ZNF726: variants seen among roughly 807,000 people sequenced by gnomAD.
ZNF726 encodes zinc finger protein 726, also known as zinc finger protein 92 pseudogene 3.
In ZNF726, 15 loss-of-function variants were observed where a neutral mutation model predicts 11.6. That is an observed-to-expected ratio of 1.29 (90% CI 0.86 to 1.99). The LOEUF (loss-of-function observed/expected upper bound fraction) is 1.99, where lower values mean the gene tolerates loss of function less well. Ranked by LOEUF, ZNF726 falls within the 30% of genes most tolerant of loss-of-function variation. The probability of loss-of-function intolerance (pLI) is 0.00; values close to 1 mark genes in which losing one functional copy is unlikely to be tolerated. For missense variants in ZNF726, 890 were observed against 725.6 expected (o/e 1.23, Z -2.60); for synonymous variants, 295 against 243.6 (o/e 1.21, Z -1.96).
In ZNF726 at chr19:23,932,639, T is replaced by C. The variant is rs750522323; in HGVS notation, c.523T>C (p.Cys175Arg). The C allele has an allele frequency of 3.2e-6, 5 of 1,560,348 alleles. No individual in the cohort carries two copies. The African/African-American group carries it at 4.1e-5, about 13-fold the overall frequency. The change falls in exon 4 of 4, where the codon TGT (cysteine) becomes CGT (arginine). Residue 175 changes from cysteine to arginine, a missense_variant. Transcript: ENST00000594466. Reference sequence around the variant, plus strand: ...ACATACTAGAAAGAAACCTTTCAAATGTAAAAATTGTGTCAAATCATTTTG... The same window carrying C: ...ACATACTAGAAAGAAACCTTTCAAACGTAAAAATTGTGTCAAATCATTTTG... ...IRHTRKKPFK[C>R]KNCVKSFCMF...
chr19:23,943,427 G>T, intron 3 of ZNF726: 1 of 475,012 alleles, frequency 2.1e-6, no homozygotes. Context: ...TTTCTCTACT[G>T]AACATGGTAC....
chr19:23,925,082 T>C (rs2144973497), intron 3 of ZNF726, among the ~76,000 whole-genome samples: 1 of 152,356 alleles, frequency 6.6e-6, no homozygotes, highest in African/African-American at 2.4e-5. Flanking sequence ...AATTGTCTTA[T>C]ATATCTAAGT....
chr19:23,916,826 A>G (rs1294492047), intron 1 of ZNF726, among the ~76,000 whole-genome samples: 4 of 151,266 alleles, frequency 2.6e-5, no homozygotes, highest in Admixed American at 2.6e-4. Context: ...GAAACTTCAT[A>G]GGGTGACGTA....
chr19:23,919,234 C>T (rs547544688), intron 1 of ZNF726, 139 bp from the exon 2 acceptor site: 6 of 1,361,574 alleles, frequency 4.4e-6, no homozygotes, highest in Middle Eastern at 2.0e-4. Flanking sequence ...TGTGTTTTGA[C>T]AATTATTTTA....
At chr19:23,921,676 A>C (rs753589323) in intron 3 of ZNF726, 1 of 151,984 alleles carries the variant, frequency 6.6e-6, no homozygotes, top group Non-Finnish European at 1.5e-5. Context: ...TTTATCAGAG[A>C]GATGGTTTTA....
chr19:23,921,471 G>A (rs1006314137), intron 3 of ZNF726: 4 of 152,094 alleles, frequency 2.6e-5, no homozygotes, highest in Non-Finnish European at 4.4e-5. Context: ...TGAGTCTAGA[G>A]ATCACCTTAG....
chr19:23,920,141 G>A, intron 3 of ZNF726, 59 bp downstream of exon 3: 1 of 1,253,290 alleles, frequency 8.0e-7, no homozygotes, highest in Non-Finnish European at 1.1e-6. Flanking sequence ...CAAGAAGAAA[G>A]CCAGTCTTTA....
intron 1 of ZNF726, among the ~76,000 whole-genome samples, chr19:23,917,140 G>A (rs2144954669): frequency 1.3e-5 from 2 of 152,236 alleles, no homozygotes; most frequent in Admixed American, 1.3e-4. Flanking sequence ...TAGTAGAAAT[G>A]GAGTTTCACC....
chr19:23,920,122 G>A (rs776502039), intron 3 of ZNF726, 40 bp downstream of exon 3: 2 of 1,403,904 alleles, frequency 1.4e-6, no homozygotes, highest in Admixed American at 1.8e-5. Flanking sequence ...TGGATGAGAG[G>A]TCCAACGTCA....
At chr19:23,939,894 G>A (rs1245519584) in intron 3 of ZNF726, among the ~76,000 whole-genome samples, 3 of 78,666 alleles carry the variant, frequency 3.8e-5, no homozygotes, top group South Asian at 4.4e-4. Context: ...TGACTGATTC[G>A]TTTGAGTTCA....
chr19:23,932,682 C>T lies in ZNF726; in HGVS notation c.566C>T (p.Thr189Ile), dbSNP rs770418004. 5.0e-6 allele frequency: 8 copies of T among 1,589,828 alleles called. No individual in the cohort carries two copies. The South Asian group carries it at 8.2e-5, about 16-fold the overall frequency. ...VKSFCMFSHKTQHKSIYTTEK... is the reference protein window; with the variant it reads ...VKSFCMFSHKIQHKSIYTTEK... ...TCATTTTGCATGTTTTCACACAAAA[C>T]CCAGCATAAAAGCATATATACTACA... Residue 189 changes from threonine (T) to isoleucine (I), a missense_variant, in exon 4 of 4, where the codon ACC becomes ATC. Thr to Ile is a moderately conservative substitution (Grantham distance 89, BLOSUM62 -1). Transcript: ENST00000594466.
chr19:23,942,565 T>A (rs12463318), intron 3 of ZNF726, among the ~76,000 whole-genome samples: 1 of 152,150 alleles, frequency 6.6e-6, no homozygotes, highest in African/African-American at 2.4e-5. Flanking sequence ...AGTATTGAAG[T>A]CCCTCCCTCT....
intron 3 of ZNF726, chr19:23,921,151 C>G (rs1175778055): frequency 6.6e-6 from 1 of 152,104 alleles, no homozygotes; most frequent in Non-Finnish European, 1.5e-5. Context: ...AAAAAATTAG[C>G]TGGGCTCAGT....
At chr19:23,925,945 G>A (rs1967976938) in intron 3 of ZNF726, among the ~76,000 whole-genome samples, 1 of 151,828 alleles carries the variant, frequency 6.6e-6, no homozygotes, top group South Asian at 2.1e-4. Flanking sequence ...TGGAACACCT[G>A]TCCTCGTGAT....
intron 3 of ZNF726, among the ~76,000 whole-genome samples, chr19:23,930,283 A>AT (rs895664210): frequency 2.0e-5 from 3 of 151,722 alleles, no homozygotes; most frequent in Non-Finnish European, 4.4e-5. Context: ...TCTCTATGTT[A>AT]TTTTTTTCCC....
chr19:23,933,894 A>C lies in ZNF726; in HGVS notation c.1778A>C (p.Tyr593Ser). ...HKIIHTGEKP[Y>S]KCDECGKSFI... ...ATAATTCATACTGGAGAGAAACCTT[A>C]CAAGTGTGACGAATGTGGCAAATCA... The change falls in exon 4 of 4, where the codon TAC becomes TCC. Residue 593 changes from tyrosine to serine, a missense_variant. Tyr to Ser is a moderately radical substitution (Grantham distance 144, BLOSUM62 -2). Coordinates refer to ENST00000594466, the MANE Select transcript of ZNF726 (RefSeq NM_001244038.2). 1 of 1,589,940 alleles carries C rather than the reference A, an allele frequency of 6.3e-7. No individual in the cohort carries two copies. Among genetic ancestry groups the C allele is most frequent in the Non-Finnish European group, 8.6e-7 (1 of 1,167,852 alleles).
At chr19:23,918,288 A>C (rs1712807330) in intron 1 of ZNF726, among the ~76,000 whole-genome samples, 1 of 152,166 alleles carries the variant, frequency 6.6e-6, no homozygotes, top group Admixed American at 6.5e-5. Flanking sequence ...TTTGAAGAAT[A>C]ATTTCTTACA....
chr19:23,943,239 A>G (rs1405292797), intron 3 of ZNF726, among the ~76,000 whole-genome samples: 2 of 152,332 alleles, frequency 1.3e-5, no homozygotes, highest in East Asian at 1.9e-4. Flanking sequence ...TAGAAATTCA[A>G]TGGCAATAAA....
At chr19:23,931,164 G>C (rs930488614) in intron 3 of ZNF726, among the ~76,000 whole-genome samples, 1 of 152,084 alleles carries the variant, frequency 6.6e-6, no homozygotes, top group African/African-American at 2.4e-5. Context: ...AGTAGAGATG[G>C]GGTTTCACCC....
Sources: gnomAD v4.1 joint callset for allele counts (sites outside exome capture counted in the v4.1 genomes callset) on GRCh38, gnomAD v4.1.1 for gene constraint, MANE v1.5 for transcripts, NCBI Gene and HGNC (gene_info 2026-07-23, HGNC 2026-07-21) for gene names.